Variants in FER1L5 observed in about 807,000 individuals in gnomAD.
The protein encoded by FER1L5 is fer-1-like protein 5.
FER1L5 carries 187 observed loss-of-function variants against 279.9 expected under a neutral mutation model. The ratio of observed to expected loss-of-function variants is 0.67; its 90% CI spans 0.59 to 0.75. FER1L5 has a LOEUF of 0.75. Among genes scored for constraint, FER1L5 ranks in the 30% least tolerant of loss-of-function variants. FER1L5 has a pLI of 0.00. For synonymous variants in FER1L5, 921 were observed against 989.7 expected, an observed-to-expected ratio of 0.93 and a Z score of 1.30; for missense variants, 2,091 against 2,594.4, an observed-to-expected ratio of 0.81 and a Z score of 4.21.
chr2:96,670,313 A>G lies in FER1L5; in HGVS notation c.1491+66A>G, dbSNP rs1573859536. 8 of 1,538,338 alleles carry G rather than the reference A, an allele frequency of 5.2e-6. No homozygotes were observed. In the East Asian group the frequency reaches 7.4e-5, roughly 14 times the overall value. Reference sequence around the variant, plus strand: ...CCTGTCTGCCCCGGATCTACTGTGGATCCCAGTTTCTGACCGTGTAGAGAG... The same window carrying G: ...CCTGTCTGCCCCGGATCTACTGTGGGTCCCAGTTTCTGACCGTGTAGAGAG... On this transcript the variant is annotated intron_variant, in intron 18 of 52. Transcript: ENST00000624922.
intron 19 of FER1L5, among the ~76,000 whole-genome samples, chr2:96,677,224 T>C (rs2076543001): frequency 6.6e-6 from 1 of 152,250 alleles, no homozygotes; most frequent in Admixed American, 6.5e-5. Flanking sequence ...AAATCTTATT[T>C]TGTTAGTAAT....
At chr2:96,662,805 T>C (rs2076000767) in intron 13 of FER1L5, among the ~76,000 whole-genome samples, 1 of 152,194 alleles carries the variant, frequency 6.6e-6, no homozygotes, top group South Asian at 2.1e-4. Flanking sequence ...GAAAATAATG[T>C]CTATCTTTTG....
At chr2:96,669,707 G>A (rs1305448997) in intron 17 of FER1L5, among the ~76,000 whole-genome samples, 1 of 152,102 alleles carries the variant, frequency 6.6e-6, no homozygotes, top group Non-Finnish European at 1.5e-5. Flanking sequence ...TCCCGGCTGG[G>A]AACCTCACCA....
rs773500264 is a variant in FER1L5 at position 96,702,758 on chromosome 2, G to A, written c.5397+17G>A. 2.1e-5 allele frequency: 34 copies of A among 1,611,208 alleles called. 1 individual carries two copies. In the South Asian group the frequency reaches 2.8e-4, roughly 13 times the overall value. On this transcript the variant is annotated intron_variant, in intron 48 of 52. Coordinates refer to ENST00000624922, the MANE Select transcript of FER1L5 (RefSeq NM_001293083.2). This position sits in a 1 kb window ranked among gnomAD's most constrained non-coding sequence, Gnocchi z 4.0. Reference sequence around the variant, plus strand: ...AGCCAGAAGGTAACAGGCCTGGGGCGTGAGGGGCAACAGGCCACAACAAAC... The same window carrying A: ...AGCCAGAAGGTAACAGGCCTGGGGCATGAGGGGCAACAGGCCACAACAAAC...
chr2:96,661,883 C>A (rs2075967136), intron 12 of FER1L5, 92 bp downstream of exon 12: 1 of 1,493,882 alleles, frequency 6.7e-7, no homozygotes, highest in Admixed American at 2.0e-5. Context: ...TTCCTTTTGG[C>A]ACTAAACTAC....
In FER1L5 at chr2:96,691,762, GC is replaced by G; in HGVS notation, c.3076-61del. 6.4e-7 allele frequency: 1 copy of G among 1,551,596 alleles called. No individual in the cohort carries two copies. The highest frequency in any genetic ancestry group is 8.7e-7 in the Non-Finnish European group (1 of 1,146,968). ...CAGTGTGAGGGAGGAGGGTGACTGG[GC>G]CTGGGCTAGAGGAAACAGGAGCAGC... On this transcript the variant is annotated intron_variant, in intron 29 of 52. Coordinates refer to ENST00000624922, the MANE Select transcript of FER1L5 (RefSeq NM_001293083.2). This position sits in a 1 kb window ranked among gnomAD's most constrained non-coding sequence, Gnocchi z 6.0.
chr2:96,694,136 A>C lies in FER1L5; in HGVS notation c.3636+64A>C. On this transcript the variant is annotated intron_variant, in intron 33 of 52. Coordinates refer to ENST00000624922, the MANE Select transcript of FER1L5 (RefSeq NM_001293083.2). This position sits in a 1 kb window ranked among gnomAD's most constrained non-coding sequence, Gnocchi z 4.6. ...CAGTGCCCCTCCCCGTCCCACCCCCAGCCAGCGGGGGCCAACTCCACCCTG... is the reference window on the plus strand; with the variant it reads ...CAGTGCCCCTCCCCGTCCCACCCCCCGCCAGCGGGGGCCAACTCCACCCTG... 1 of 1,482,750 alleles carries C rather than the reference A, an allele frequency of 6.7e-7. No homozygotes were observed. The highest frequency in any genetic ancestry group is 1.3e-5 in the South Asian group (1 of 74,426). The allele number at this position is 1,482,750 out of a possible 1,614,324, so 91.8% of individuals were successfully genotyped here. A position where few individuals can be genotyped will look rare whatever the true frequency, so the allele number is the denominator to read the frequency against.
intron 18 of FER1L5, among the ~76,000 whole-genome samples, chr2:96,671,683 A>C (rs1264391075): frequency 6.6e-6 from 1 of 152,212 alleles, no homozygotes; most frequent in Non-Finnish European, 1.5e-5. Flanking sequence ...GTGGAATGAA[A>C]GGAGAGGGAA....
chr2:96,690,619 G>C (rs1035177634), intron 27 of FER1L5, 30 bp downstream of exon 27: 1 of 1,536,184 alleles, frequency 6.5e-7, no homozygotes, highest in Non-Finnish European at 8.8e-7. Flanking sequence ...TTGGGATCGG[G>C]AGAGACCAGG....
chr2:96,654,279 G>T (rs1001882708), intron 8 of FER1L5, 167 bp from the exon 9 acceptor site: 3 of 390,898 alleles, frequency 7.7e-6, no homozygotes, highest in Non-Finnish European at 1.4e-5. Flanking sequence ...ACCTCACAGG[G>T]TTCCTCTGAG....
At chr2:96,648,643 T>G (rs993343864) in intron 4 of FER1L5, among the ~76,000 whole-genome samples, 1 of 152,228 alleles carries the variant, frequency 6.6e-6, no homozygotes, top group Non-Finnish European at 1.5e-5. Context: ...CCTGGATTAT[T>G]GCTAGAGACA....
At chr2:96,646,580 C>G in intron 2 of FER1L5, 127 bp downstream of exon 2, 1 of 984,304 alleles carries the variant, frequency 1.0e-6, no homozygotes, top group Non-Finnish European at 1.5e-6. Flanking sequence ...TTCCTCAAGG[C>G]TGGGCATCTT....
Position 96,692,701 on chromosome 2 carries a change from G to A in FER1L5, c.3292+520G>A, listed in dbSNP as rs548307902. The stretch of plus-strand genomic sequence containing the variant: ...GGCCTGTCCTTGGTCCTGTGAGGAC[G>A]CCCCAGTGCAAGTTTCAGGAGACAA... On this transcript the variant is annotated intron_variant, in intron 31 of 52. Coordinates refer to ENST00000624922, the MANE Select transcript of FER1L5 (RefSeq NM_001293083.2). 1.3e-3 allele frequency among the ~76,000 whole-genome samples: 193 copies of A among 152,258 alleles called. 1 individual carries two copies. Among genetic ancestry groups the A allele is most frequent in the African/African-American group, 4.5e-3 (185 of 41,538 alleles).
At chr2:96,672,374 C>A (rs1039009171) in intron 18 of FER1L5, among the ~76,000 whole-genome samples, 1 of 152,108 alleles carries the variant, frequency 6.6e-6, no homozygotes, top group Non-Finnish European at 1.5e-5. Flanking sequence ...CCACGCCTGG[C>A]CTCAAAAGTA....
intron 26 of FER1L5, 46 bp from the exon 27 acceptor site, chr2:96,690,441 C>T: frequency 1.3e-6 from 2 of 1,526,700 alleles, no homozygotes; most frequent in Non-Finnish European, 1.8e-6. Flanking sequence ...GGGCAGCCTC[C>T]TCCCAGCTCA....
At chr2:96,677,639 G>A (rs2076557057) in intron 19 of FER1L5, among the ~76,000 whole-genome samples, 1 of 152,144 alleles carries the variant, frequency 6.6e-6, no homozygotes, top group East Asian at 1.9e-4. Context: ...GCTGAGGCGG[G>A]TGGATCACCT....
intron 5 of FER1L5, 147 bp downstream of exon 5, chr2:96,649,824 G>T: frequency 1.3e-6 from 1 of 761,898 alleles, no homozygotes; most frequent in Middle Eastern, 3.5e-4. Context: ...AAGCTACAGG[G>T]TCTAGATGCC....
intron 17 of FER1L5, 129 bp from the exon 18 acceptor site, chr2:96,669,990 T>G: frequency 1.6e-6 from 2 of 1,234,138 alleles, no homozygotes; most frequent in Non-Finnish European, 1.1e-6. Context: ...TTCTCCGGGA[T>G]TGTGGTTGCA....
At chr2:96,653,588 G>A in intron 7 of FER1L5, 52 bp from the exon 8 acceptor site, 2 of 1,367,668 alleles carry the variant, frequency 1.5e-6, no homozygotes, top group Non-Finnish European at 2.0e-6. Context: ...TGAGTGCTTG[G>A]GTGAAGTGGC....
Sources: gnomAD v4.1 joint callset for allele counts (sites outside exome capture counted in the v4.1 genomes callset) on GRCh38, gnomAD v4.1.1 for gene constraint, Gnocchi (gnomAD v3.1) non-coding constraint, MANE v1.5 for transcripts, NCBI Gene and HGNC (gene_info 2026-07-23, HGNC 2026-07-21) for gene names.